Variants in NDUFA5 observed in about 807,000 individuals in gnomAD.
The protein encoded by NDUFA5 is NADH dehydrogenase [ubiquinone] 1 alpha subcomplex subunit 5.
A neutral mutation model predicts 19.8 loss-of-function variants in NDUFA5; 11 were observed. That is an observed-to-expected ratio of 0.56 (90% CI 0.35 to 0.92). The LOEUF is 0.92. NDUFA5 is among the 40% of genes least tolerant of loss of function. The probability of loss-of-function intolerance (pLI) is 0.01; values close to 1 mark genes in which losing one functional copy is unlikely to be tolerated. For synonymous variants in NDUFA5, 47 were observed against 46.8 expected, an observed-to-expected ratio of 1.00 and a Z score of -0.01; for missense variants, 109 against 134.2, an observed-to-expected ratio of 0.81 and a Z score of 0.93.
chr7:123,575,661 T>A, the NDUFA5 span, among the ~76,000 whole-genome samples: 3 of 152,102 alleles, frequency 2.0e-5, no homozygotes, highest in African/African-American at 7.2e-5. Context: ...TTGTAACCTT[T>A]ATCTTTGAAG....
the NDUFA5 span, among the ~76,000 whole-genome samples, chr7:123,569,796 A>G: frequency 1.3e-5 from 2 of 152,098 alleles, no homozygotes; most frequent in Non-Finnish European, 2.9e-5. Context: ...CACTCTTGTA[A>G]CAGAGAGGCA....
the NDUFA5 span, among the ~76,000 whole-genome samples, chr7:123,595,424 G>A: frequency 7.2e-5 from 11 of 152,106 alleles, no homozygotes; most frequent in African/African-American, 2.4e-4. Flanking sequence ...TCTGTGTCGG[G>A]TTATTCTTTG....
At chr7:123,592,478 C>G in the NDUFA5 span, among the ~76,000 whole-genome samples, 1 of 152,110 alleles carries the variant, frequency 6.6e-6, no homozygotes, top group African/African-American at 2.4e-5. Context: ...GATTCTGGTA[C>G]GTTGTGTCTT....
intron 2 of NDUFA5, among the ~76,000 whole-genome samples, chr7:123,554,280 TTTC>T (rs1411749935): frequency 6.6e-6 from 1 of 152,192 alleles, no homozygotes; most frequent in African/African-American, 2.4e-5. Context: ...ATTTTACCTT[TTTC>T]TTCATTAAAA....
At chr7:123,575,880 T>A in the NDUFA5 span, among the ~76,000 whole-genome samples, 3 of 151,032 alleles carry the variant, frequency 2.0e-5, no homozygotes, top group Admixed American at 2.0e-4. Flanking sequence ...AATTTTTGGT[T>A]ACTTTTCCCT....
the NDUFA5 span, among the ~76,000 whole-genome samples, chr7:123,565,967 C>T: frequency 6.6e-6 from 1 of 150,674 alleles, no homozygotes; most frequent in Non-Finnish European, 1.5e-5. Context: ...TGCAGTGAGC[C>T]GAGATCATGC....
chr7:123,557,900 C>T (rs774403245), upstream of NDUFA5: 11 of 1,595,212 alleles, frequency 6.9e-6, no homozygotes, highest in Non-Finnish European at 9.4e-6. Context: ...AACAGCTTAG[C>T]TCCACCCCTT....
At chr7:123,547,063 C>T (rs1270042019) in intron 3 of NDUFA5, among the ~76,000 whole-genome samples, 1 of 151,968 alleles carries the variant, frequency 6.6e-6, no homozygotes, top group African/African-American at 2.4e-5. Context: ...GTGATGAGAC[C>T]ACAAGCCAAT....
intron 3 of NDUFA5, among the ~76,000 whole-genome samples, chr7:123,549,814 T>C (rs1042721450): frequency 6.6e-6 from 1 of 152,182 alleles, no homozygotes; most frequent in Non-Finnish European, 1.5e-5. Context: ...ACAAACTGCA[T>C]TGTTTTGTTG....
chr7:123,587,450 C>CT, the NDUFA5 span, among the ~76,000 whole-genome samples: 1 of 151,046 alleles, frequency 6.6e-6, no homozygotes, highest in Non-Finnish European at 1.5e-5. Flanking sequence ...TTGGTGAAGT[C>CT]TTTGAGGTTT....
Position 123,537,958 on chromosome 7 carries a change from A to C in NDUFA5, c.*4161T>G, listed in dbSNP as rs1043837669. 5.3e-5 allele frequency: 8 copies of C among 152,352 alleles called. No individual in the cohort carries two copies. The highest frequency in any genetic ancestry group is 1.0e-4 in the Non-Finnish European group (7 of 68,030). 9.4% of individuals were successfully genotyped at this position (152,352 alleles called of 1,614,324 possible). ...TAATTATATACAGATGCCAATCATA[A>C]ATTACATTTAAGTGTACCACAAAAA... On this transcript the variant is annotated 3_prime_UTR_variant, in exon 5 of 5. Transcript: ENST00000355749.
chr7:123,594,759 G>A, the NDUFA5 span, among the ~76,000 whole-genome samples: 1 of 152,186 alleles, frequency 6.6e-6, no homozygotes. Flanking sequence ...ACTTAAGGAG[G>A]CAGTCTGTCC....
At chr7:123,600,717 C>A in the NDUFA5 span, among the ~76,000 whole-genome samples, 1 of 152,106 alleles carries the variant, frequency 6.6e-6, no homozygotes, top group Non-Finnish European at 1.5e-5. Flanking sequence ...CTGAAACGCA[C>A]CTTCTTTTAT....
At chr7:123,595,333 T>C in the NDUFA5 span, among the ~76,000 whole-genome samples, 1 of 152,224 alleles carries the variant, frequency 6.6e-6, no homozygotes, top group Non-Finnish European at 1.5e-5. Context: ...CCCTTCAACA[T>C]GGCACATCCT....
At chr7:123,551,294 C>T (rs1798329315) in intron 2 of NDUFA5, 2 of 151,996 alleles carry the variant, frequency 1.3e-5, no homozygotes, top group Admixed American at 6.6e-5. Flanking sequence ...CTACAACCTC[C>T]ACCTCCTGGG....
At chr7:123,550,963 T>C (rs969076884) in intron 2 of NDUFA5, among the ~76,000 whole-genome samples, 2 of 152,236 alleles carry the variant, frequency 1.3e-5, no homozygotes, top group African/African-American at 4.8e-5. Flanking sequence ...GTTTCACTTG[T>C]TGCCCAGGCT....
chr7:123,558,391 C>T (rs1221177016), upstream of NDUFA5: 1 of 152,672 alleles, frequency 6.5e-6, no homozygotes, highest in Admixed American at 6.5e-5. Context: ...GACCATACCA[C>T]TTTTTCCTAC....
chr7:123,597,520 C>T, the NDUFA5 span, among the ~76,000 whole-genome samples: 2 of 152,148 alleles, frequency 1.3e-5, no homozygotes, highest in South Asian at 4.1e-4. Flanking sequence ...AGGCACTCAG[C>T]ACTGTGAGTC....
the NDUFA5 span, chr7:123,598,898 T>G: frequency 6.6e-6 from 1 of 152,210 alleles, no homozygotes; most frequent in South Asian, 2.1e-4. Context: ...AGGAGTTCAG[T>G]GCTAATAGAT....
Sources: gnomAD v4.1 joint callset for allele counts (sites outside exome capture counted in the v4.1 genomes callset) on GRCh38, gnomAD v4.1.1 for gene constraint, MANE v1.5 for transcripts, NCBI Gene and HGNC (gene_info 2026-07-23, HGNC 2026-07-21) for gene names.